Variants in NXPH1 observed in about 807,000 individuals in gnomAD.
The protein encoded by NXPH1 is neurexophilin 1, also known as neurexophilin-1.
In NXPH1, 5 loss-of-function variants were observed where a neutral mutation model predicts 23.7. That is an observed-to-expected ratio of 0.21 (90% CI 0.11 to 0.44). NXPH1 has a LOEUF of 0.44. Among genes scored for constraint, NXPH1 ranks in the 20% least tolerant of loss-of-function variants. The pLI, the probability that NXPH1 is intolerant of heterozygous loss-of-function variation, is 0.99. For missense variants in NXPH1, 324 were observed against 321.6 expected (o/e 1.01, Z -0.06); for synonymous variants, 144 against 122.2 (o/e 1.18, Z -1.18).
chr7:8,653,261 T>A (rs531838525), intron 2 of NXPH1, among the ~76,000 whole-genome samples: 5 of 152,278 alleles, frequency 3.3e-5, no homozygotes, highest in Admixed American at 3.3e-4. Context: ...ATAAACACAG[T>A]TTAGTATATA....
At chr7:8,453,202 T>A (rs1816536889) in intron 2 of NXPH1, among the ~76,000 whole-genome samples, 1 of 152,114 alleles carries the variant, frequency 6.6e-6, no homozygotes, top group Non-Finnish European at 1.5e-5. Context: ...TGTATTTGTA[T>A]TTATACTGTA....
intron 2 of NXPH1, among the ~76,000 whole-genome samples, chr7:8,693,116 AG>A (rs1460689689): frequency 6.6e-6 from 1 of 152,192 alleles, no homozygotes; most frequent in Non-Finnish European, 1.5e-5. Flanking sequence ...AGCAAGAAGA[AG>A]GGAGAGTCTC....
intron 2 of NXPH1, among the ~76,000 whole-genome samples, chr7:8,730,952 A>G (rs1780142664): frequency 6.7e-6 from 1 of 148,936 alleles, no homozygotes; most frequent in Admixed American, 6.7e-5. Flanking sequence ...ACTTGGTTCC[A>G]TTCTCCCCAT....
intron 2 of NXPH1, among the ~76,000 whole-genome samples, chr7:8,699,237 T>C (rs1051650558): frequency 1.3e-5 from 2 of 152,140 alleles, no homozygotes; most frequent in African/African-American, 4.8e-5. Context: ...TCTAATTATC[T>C]TCTCTTATCA....
intron 2 of NXPH1, among the ~76,000 whole-genome samples, chr7:8,599,317 C>T (rs994139728): frequency 1.2e-4 from 19 of 152,052 alleles, no homozygotes; most frequent in Middle Eastern, 3.2e-3. Flanking sequence ...TTACGCTCTA[C>T]GATTTCATCT....
chr7:8,748,547 A>T (rs1207363411), intron 2 of NXPH1, among the ~76,000 whole-genome samples: 1 of 152,218 alleles, frequency 6.6e-6, no homozygotes, highest in Non-Finnish European at 1.5e-5. Context: ...CCTTGCCCTG[A>T]CAATAGTCCA....
At chr7:8,532,468 T>TGGGGGGGG (rs761410034) in intron 2 of NXPH1, among the ~76,000 whole-genome samples, 1 of 20,826 alleles carries the variant, frequency 4.8e-5, no homozygotes. Context: ...ATATTTTTTT[T>TGGGGGGGG]GGGGGGGGGG....
chr7:8,613,190 C>T (rs1819657151), intron 2 of NXPH1, among the ~76,000 whole-genome samples: 1 of 151,800 alleles, frequency 6.6e-6, no homozygotes, highest in African/African-American at 2.4e-5. Flanking sequence ...ATTACTTTCA[C>T]ATAGCCAATT....
At chr7:8,708,239 G>A (rs1779733009) in intron 2 of NXPH1, among the ~76,000 whole-genome samples, 1 of 152,272 alleles carries the variant, frequency 6.6e-6, no homozygotes, top group East Asian at 1.9e-4. Context: ...CAACTGACAT[G>A]AAGGAAGATA....
chr7:8,559,605 A>G (rs1818409556), intron 2 of NXPH1, among the ~76,000 whole-genome samples: 2 of 151,732 alleles, frequency 1.3e-5, no homozygotes, highest in African/African-American at 4.8e-5. Flanking sequence ...TAACAGGTAC[A>G]TGAGCTTTTT....
At chr7:8,730,454 G>A (rs1343129883) in intron 2 of NXPH1, among the ~76,000 whole-genome samples, 1 of 151,878 alleles carries the variant, frequency 6.6e-6, no homozygotes, top group Non-Finnish European at 1.5e-5. Flanking sequence ...TTTACATTTT[G>A]GCATGATTTT....
intron 2 of NXPH1, among the ~76,000 whole-genome samples, chr7:8,451,053 T>C (rs1816497835): frequency 6.6e-6 from 1 of 151,992 alleles, no homozygotes; most frequent in South Asian, 2.1e-4. Flanking sequence ...AAAATTGGTC[T>C]GGATGAACAT....
chr7:8,448,720 C>T (rs938904248), intron 2 of NXPH1, among the ~76,000 whole-genome samples: 3 of 148,022 alleles, frequency 2.0e-5, no homozygotes, highest in Non-Finnish European at 4.4e-5. Flanking sequence ...GAGGCTGAGG[C>T]AAGAGAATTG....
intron 2 of NXPH1, among the ~76,000 whole-genome samples, chr7:8,673,135 C>G (rs2349773): frequency 2.0e-5 from 3 of 151,978 alleles, no homozygotes; most frequent in South Asian, 2.1e-4. Context: ...TTCATATGGC[C>G]TGTCAAAATA....
At position 8,655,481 on chromosome 7, in the gene NXPH1, C is replaced by CACAT. The variant is rs1362671125; in HGVS notation, c.55-95526_55-95525insCATA. On this transcript the variant is annotated intron_variant, in intron 2 of 2. Coordinates refer to ENST00000405863, the MANE Select transcript of NXPH1 (RefSeq NM_152745.3). ...ACACACACACACACACACACACACA[C>CACAT]ATCAGATATGTCCATCACACGCACA... Among the ~76,000 whole-genome samples the CACAT allele has an allele frequency of 4.9e-5, 6 of 122,440 alleles. 1 individual carries two copies. Among genetic ancestry groups the CACAT allele is most frequent in the African/African-American group, 1.7e-4 (6 of 34,312 alleles). The allele number at this position is 122,440 out of a possible 152,430, so 80.3% of individuals were successfully genotyped here. A position where few individuals can be genotyped will look rare whatever the true frequency, so the allele number is the denominator to read the frequency against.
intron 2 of NXPH1, among the ~76,000 whole-genome samples, chr7:8,454,968 T>C (rs1816569246): frequency 6.6e-6 from 1 of 152,182 alleles, no homozygotes; most frequent in Non-Finnish European, 1.5e-5. Flanking sequence ...TTTTCTTTGA[T>C]AATTGCAAAA....
At chr7:8,682,266 C>A (rs944581319) in intron 2 of NXPH1, among the ~76,000 whole-genome samples, 1 of 152,134 alleles carries the variant, frequency 6.6e-6, no homozygotes. Context: ...CAAACCTAGC[C>A]GTGCCTCAGA....
chr7:8,741,302 C>T (rs2115227536), intron 2 of NXPH1, among the ~76,000 whole-genome samples: 1 of 152,100 alleles, frequency 6.6e-6, no homozygotes, highest in East Asian at 1.9e-4. Flanking sequence ...TTCCATTCAT[C>T]CCTTGATGGA....
intron 2 of NXPH1, among the ~76,000 whole-genome samples, chr7:8,523,413 A>G (rs1354561719): frequency 6.6e-6 from 1 of 152,234 alleles, no homozygotes; most frequent in African/African-American, 2.4e-5. Flanking sequence ...TTGTACAAAA[A>G]TAACTGAAGG....
Sources: gnomAD v4.1 joint callset for allele counts (sites outside exome capture counted in the v4.1 genomes callset) on GRCh38, gnomAD v4.1.1 for gene constraint, MANE v1.5 for transcripts, NCBI Gene and HGNC (gene_info 2026-07-23, HGNC 2026-07-21) for gene names.